The following ARRB1 variants were observed in gnomAD, a reference collection of about 807,000 sequenced individuals.
ARRB1 encodes the protein beta-arrestin-1.
In ARRB1, 21 loss-of-function variants were observed where a neutral mutation model predicts 56.8. The observed-to-expected ratio is 0.37, with a 90% confidence interval of 0.26 to 0.53. The LOEUF is 0.53. Ranked by LOEUF, ARRB1 falls within the 20% of genes least tolerant of loss-of-function variation. The pLI, the probability that ARRB1 is intolerant of heterozygous loss-of-function variation, is 0.88. For synonymous variants in ARRB1, 210 were observed against 218.6 expected, an observed-to-expected ratio of 0.96 and a Z score of 0.35; for missense variants, 424 against 553.7, an observed-to-expected ratio of 0.77 and a Z score of 2.35.
intron 1 of ARRB1, among the ~76,000 whole-genome samples, chr11:75,313,567 C>T (rs1489661890): frequency 1.3e-5 from 2 of 152,116 alleles, no homozygotes; most frequent in Non-Finnish European, 2.9e-5. Context: ...TTCCAGATCC[C>T]GTGACTAAGA....
intron 14 of ARRB1, among the ~76,000 whole-genome samples, chr11:75,268,141 T>A (rs1565102113): frequency 2.0e-5 from 3 of 152,186 alleles, no homozygotes; most frequent in Admixed American, 6.5e-5. Context: ...TAATTGTACC[T>A]ACTATTATGT....
Position 75,271,649 on chromosome 11 carries a change from G to A in ARRB1, c.1022+52C>T, listed in dbSNP as rs1946075448. 5 of 1,538,752 alleles carry A rather than the reference G, an allele frequency of 3.2e-6. No homozygotes were observed. In the South Asian group the frequency reaches 6.1e-5, roughly 19 times the overall value. Reference sequence around the variant, plus strand: ...TGATTCTGGTCAGTCAAGCCAATGGGCTCCAGGCCCTCCAGGAAGGTGGGT... The same window carrying A: ...TGATTCTGGTCAGTCAAGCCAATGGACTCCAGGCCCTCCAGGAAGGTGGGT... On this transcript the variant is annotated intron_variant, in intron 13 of 15. Coordinates refer to ENST00000420843, the MANE Select transcript of ARRB1 (RefSeq NM_004041.5).
In ARRB1 at chr11:75,263,744, A is replaced by G. The variant is rs940648347; in HGVS notation, c.*2419T>C. Among the ~76,000 whole-genome samples the G allele has an allele frequency of 3.3e-5, 5 of 152,032 alleles. No individual in the cohort carries two copies. Among genetic ancestry groups the G allele is most frequent in the African/African-American group, 1.2e-4 (5 of 41,400 alleles). On this transcript the variant is annotated 3_prime_UTR_variant, in exon 16 of 16. Coordinates refer to ENST00000420843, the MANE Select transcript of ARRB1 (RefSeq NM_004041.5). ...TGTGCAGTCCTGGCTCCAGGAGAAA[A>G]AAAAAAAAAAAAGATAGTGCTCTGA...
At chr11:75,271,962 A>G (rs1453808446) in intron 12 of ARRB1, among the ~76,000 whole-genome samples, 3 of 151,240 alleles carry the variant, frequency 2.0e-5, no homozygotes, top group Non-Finnish European at 4.4e-5. Flanking sequence ...CCTGAGCCCC[A>G]GGATCCTCAT....
rs527362960 is a variant in ARRB1 at position 75,345,553 on chromosome 11, G to A, written c.20+6035C>T. Among the ~76,000 whole-genome samples the A allele has an allele frequency of 5.3e-5, 8 of 152,190 alleles. 1 individual carries two copies. In the South Asian group the frequency reaches 1.0e-3, roughly 20 times the overall value. ...CAAGGCCCCAACCTCAGGAGCCCCC[G>A]GTGTGATGGAGGAGACATCCTTCCT... On this transcript the variant is annotated intron_variant, in intron 1 of 15. Transcript: ENST00000420843.
At chr11:75,329,175 A>G (rs1055071928) in intron 1 of ARRB1, among the ~76,000 whole-genome samples, 1 of 145,330 alleles carries the variant, frequency 6.9e-6, no homozygotes, top group African/African-American at 2.6e-5. Context: ...CACAGGGCTC[A>G]CTGCAGCCTC....
intron 4 of ARRB1, among the ~76,000 whole-genome samples, chr11:75,283,779 C>T (rs1470446304): frequency 1.4e-5 from 2 of 145,780 alleles, no homozygotes; most frequent in African/African-American, 5.0e-5. Context: ...ACAGGCTTGG[C>T]GGGGGCTGGA....
chr11:75,277,501 G>T, intron 8 of ARRB1, 53 bp from the exon 9 acceptor site: 2 of 1,515,446 alleles, frequency 1.3e-6, no homozygotes, highest in Non-Finnish European at 1.8e-6. Context: ...AAGGTTCTAG[G>T]GAAAGGGGAG....
intron 1 of ARRB1, among the ~76,000 whole-genome samples, chr11:75,292,934 T>A (rs1190754293): frequency 6.6e-6 from 1 of 151,956 alleles, no homozygotes; most frequent in Non-Finnish European, 1.5e-5. Context: ...TCGGTCAGGA[T>A]TCAGACCCAA....
intron 1 of ARRB1, among the ~76,000 whole-genome samples, chr11:75,340,772 A>T: frequency 6.6e-6 from 1 of 152,152 alleles, no homozygotes; most frequent in East Asian, 1.9e-4. Context: ...GTGAGGGTTA[A>T]GAAAGAGGAG....
chr11:75,339,011 G>C (rs1947655801), intron 1 of ARRB1, among the ~76,000 whole-genome samples: 2 of 152,168 alleles, frequency 1.3e-5, no homozygotes. Flanking sequence ...ACTGGTAAAG[G>C]GGAGGGGAGA....
chr11:75,269,580 C>T lies in ARRB1; in HGVS notation c.1023-621G>A, dbSNP rs560251898. On this transcript the variant is annotated intron_variant, in intron 13 of 15. Coordinates refer to ENST00000420843, the MANE Select transcript of ARRB1 (RefSeq NM_004041.5). ...GGGAAGACCCAGCCACCAGCCAGTG[C>T]TTCTGATGGGGCTTTCTCTGTACTT... Among the ~76,000 whole-genome samples, 12 of 152,354 alleles carry T rather than the reference C, an allele frequency of 7.9e-5. No homozygotes were observed. The East Asian group carries it at 1.9e-3, about 24-fold the overall frequency.
chr11:75,302,105 C>T (rs1243135745), intron 1 of ARRB1, among the ~76,000 whole-genome samples: 2 of 152,156 alleles, frequency 1.3e-5, no homozygotes, highest in African/African-American at 2.4e-5. Context: ...CTGTGGTTCC[C>T]GTCTCCTGTC....
chr11:75,281,524 A>C, intron 6 of ARRB1: 1 of 322,074 alleles, frequency 3.1e-6, no homozygotes, highest in Non-Finnish European at 5.8e-6. Flanking sequence ...CTAACAAGAC[A>C]AGGAGGCACG....
intron 1 of ARRB1, 50 bp from the exon 2 acceptor site, chr11:75,290,089 G>C: frequency 6.2e-7 from 1 of 1,612,348 alleles, no homozygotes; most frequent in South Asian, 1.1e-5. Flanking sequence ...CCTGCCCAGG[G>C]GCAAGCTCCT....
chr11:75,279,757 TC>T (rs1178266034), intron 7 of ARRB1, among the ~76,000 whole-genome samples: 5 of 152,174 alleles, frequency 3.3e-5, no homozygotes, highest in African/African-American at 1.2e-4. Context: ...AACCTCTGCC[TC>T]CCAGCTTCAA....
At chr11:75,334,956 T>A (rs544673775) in intron 1 of ARRB1, 27 of 161,940 alleles carry the variant, frequency 1.7e-4, no homozygotes, top group East Asian at 3.9e-4. Flanking sequence ...TTGTTTGTTT[T>A]AAAAAAAAAA....
rs79781165 is a variant in ARRB1, at chr11:75,339,103, C to T, written c.20+12485G>A. Among the ~76,000 whole-genome samples, 604 of 152,358 alleles carry T rather than the reference C, an allele frequency of 4.0e-3. 2 individuals carry two copies. The highest frequency in any genetic ancestry group is 0.012 in the African/African-American group (492 of 41,586). ...TAGCCCTCCAATCTGTAGAGACCAG[C>T]GCACATGGCCCCTGGCTGCCAGCCC... On this transcript the variant is annotated intron_variant, in intron 1 of 15. Transcript: ENST00000420843.
intron 1 of ARRB1, among the ~76,000 whole-genome samples, chr11:75,305,973 A>C (rs1013093952): frequency 6.6e-6 from 1 of 152,146 alleles, no homozygotes; most frequent in Non-Finnish European, 1.5e-5. Context: ...AAATTCCTTG[A>C]TATCTGAGCA....
Sources: gnomAD v4.1 joint callset for allele counts (sites outside exome capture counted in the v4.1 genomes callset) on GRCh38, gnomAD v4.1.1 for gene constraint, MANE v1.5 for transcripts, NCBI Gene and HGNC (gene_info 2026-07-23, HGNC 2026-07-21) for gene names.